Variants in MCMDC2 observed in about 807,000 individuals in gnomAD.
MCMDC2 encodes minichromosome maintenance domain-containing protein 2.
Under a neutral mutation model 75.8 loss-of-function variants are expected in MCMDC2, and 54 were observed. That is an observed-to-expected ratio of 0.71 (90% CI 0.57 to 0.89). The LOEUF is 0.89. MCMDC2 is among the 40% of genes least tolerant of loss of function. The pLI is 0.00. For missense variants in MCMDC2, 656 were observed against 780.4 expected, an observed-to-expected ratio of 0.84 and a Z score of 1.90; for synonymous variants, 249 against 274.6, an observed-to-expected ratio of 0.91 and a Z score of 0.92.
At chr8:66,924,774 C>T (rs984883948), downstream of MCMDC2, among the ~76,000 whole-genome samples, 16 of 152,140 alleles carry the variant, frequency 1.1e-4, no homozygotes, top group Admixed American at 6.5e-5. Context: ...AGGCATTTAG[C>T]CTAAGGGCCT....
In MCMDC2 at chr8:66,920,010, C is replaced by G. The variant is rs116646543; in HGVS notation, c.*841C>G. ...AGTTTCCATAACTTTAATAAAAGAT[C>G]AGTTCTATTCACAGAAAAGCAAAAT... On this transcript the variant is annotated 3_prime_UTR_variant, in exon 15 of 15. Coordinates refer to ENST00000422365, the MANE Select transcript of MCMDC2 (RefSeq NM_173518.5). The G allele has an allele frequency of 1.7e-3, 256 of 152,254 alleles. 1 individual carries two copies. The highest frequency in any genetic ancestry group is 6.0e-3 in the African/African-American group (249 of 41,552). The allele number at this position is 152,254 out of a possible 1,614,324, so 9.4% of individuals were successfully genotyped here. A position where few individuals can be genotyped will look rare whatever the true frequency, so the allele number is the denominator to read the frequency against.
intron 12 of MCMDC2, among the ~76,000 whole-genome samples, chr8:66,897,262 G>T (rs1812399397): frequency 6.6e-6 from 1 of 151,828 alleles, no homozygotes; most frequent in South Asian, 2.1e-4. Flanking sequence ...ACAAAAATTA[G>T]CTGGGCGTGG....
At chr8:66,892,622 G>A (rs1409916592) in intron 10 of MCMDC2, among the ~76,000 whole-genome samples, 1 of 152,132 alleles carries the variant, frequency 6.6e-6, no homozygotes, top group Non-Finnish European at 1.5e-5. Context: ...CATGCTGATT[G>A]GTCCATGGGT....
intron 14 of MCMDC2, among the ~76,000 whole-genome samples, chr8:66,917,469 A>C (rs1289316819): frequency 6.6e-6 from 1 of 152,232 alleles, no homozygotes; most frequent in East Asian, 1.9e-4. Flanking sequence ...TGTTTAGTAC[A>C]TTCACATTCA....
intron 14 of MCMDC2, among the ~76,000 whole-genome samples, chr8:66,908,260 A>G (rs1194071163): frequency 6.6e-6 from 1 of 152,164 alleles, no homozygotes; most frequent in Non-Finnish European, 1.5e-5. Flanking sequence ...GGTGTAAGGA[A>G]GGGGTCCAGT....
chr8:66,879,322 G>A (rs1344494815), intron 7 of MCMDC2, among the ~76,000 whole-genome samples: 2 of 152,046 alleles, frequency 1.3e-5, no homozygotes, highest in African/African-American at 2.4e-5. Context: ...GCCAGGCGCG[G>A]TGGCTCACAC....
At chr8:66,923,177 A>T (rs1216331422), downstream of MCMDC2, among the ~76,000 whole-genome samples, 4 of 152,186 alleles carry the variant, frequency 2.6e-5, no homozygotes, top group Non-Finnish European at 5.9e-5. Context: ...GATGTATAAA[A>T]ACTAACGTGA....
intron 4 of MCMDC2, among the ~76,000 whole-genome samples, chr8:66,874,977 A>G (rs890509044): frequency 5.9e-5 from 9 of 152,070 alleles, no homozygotes; most frequent in Non-Finnish European, 8.8e-5. Context: ...GCTGATCTCG[A>G]ACTCCTGACC....
intron 10 of MCMDC2, among the ~76,000 whole-genome samples, chr8:66,892,484 A>T (rs1409086435): frequency 6.6e-6 from 1 of 152,232 alleles, no homozygotes; most frequent in African/African-American, 2.4e-5. Context: ...GTTTTATTGC[A>T]TGGCAGAACA....
intron 14 of MCMDC2, among the ~76,000 whole-genome samples, chr8:66,911,238 G>A (rs977546448): frequency 1.3e-5 from 2 of 152,138 alleles, no homozygotes; most frequent in African/African-American, 4.8e-5. Flanking sequence ...TGAATCATGG[G>A]GGTGATGTTC....
chr8:66,901,791 C>T (rs186562428), intron 13 of MCMDC2: 8 of 199,100 alleles, frequency 4.0e-5, no homozygotes, highest in East Asian at 1.9e-4. Context: ...ATTAGCTAGG[C>T]GTGGTGGTGC....
At chr8:66,923,514 A>C (rs1449652365), downstream of MCMDC2, among the ~76,000 whole-genome samples, 1 of 152,246 alleles carries the variant, frequency 6.6e-6, no homozygotes, top group Non-Finnish European at 1.5e-5. Flanking sequence ...TAATTCAAAA[A>C]AAATTAACTG....
intron 13 of MCMDC2, among the ~76,000 whole-genome samples, chr8:66,903,715 A>T (rs1812795930): frequency 6.6e-6 from 1 of 152,212 alleles, no homozygotes; most frequent in Non-Finnish European, 1.5e-5. Context: ...TTCTACAGAC[A>T]GGTACCTAAT....
Position 66,905,263 on chromosome 8 carries a change from A to G in MCMDC2, c.1807A>G (p.Arg603Gly). The G allele has an allele frequency of 6.7e-7, 1 of 1,498,844 alleles. No individual in the cohort carries two copies. The highest frequency in any genetic ancestry group is 8.9e-7 in the Non-Finnish European group (1 of 1,120,928). 92.8% of individuals were successfully genotyped at this position (1,498,844 alleles called of 1,614,324 possible). ...TGAAGCCCATGCACGACTGAACTTA[A>G]GGAACAAAGTGCTTAAAGAAGATGT... Reference protein sequence around the residue: ...LSEAHARLNLRNKVLKEDVLI... With the variant: ...LSEAHARLNLGNKVLKEDVLI... The change falls in exon 14 of 15, where the codon AGG (arginine) becomes GGG (glycine). Residue 603 changes from arginine (R) to glycine (G), a missense_variant. Coordinates refer to ENST00000422365, the MANE Select transcript of MCMDC2 (RefSeq NM_173518.5).
chr8:66,881,487 G>A (rs1811556168), intron 8 of MCMDC2, among the ~76,000 whole-genome samples: 1 of 152,200 alleles, frequency 6.6e-6, no homozygotes, highest in South Asian at 2.1e-4. Context: ...AGGAGTTCAA[G>A]ACCAGCCTGG....
At chr8:66,882,304 G>A (rs966079458) in intron 8 of MCMDC2, among the ~76,000 whole-genome samples, 5 of 152,162 alleles carry the variant, frequency 3.3e-5, no homozygotes, top group African/African-American at 1.2e-4. Context: ...CCGAGCTTTC[G>A]CAGATTATCA....
At position 66,909,393 on chromosome 8, in the gene MCMDC2, A is replaced by G. The variant is rs944396558; in HGVS notation, c.1879+4058A>G. ...GTGGACTTGACTTTGTAACTTGACA[A>G]CAGGCAGAGGGTGGAACAGTTTGGA... On this transcript the variant is annotated intron_variant, in intron 14 of 14. Coordinates refer to ENST00000422365, the MANE Select transcript of MCMDC2 (RefSeq NM_173518.5). Among the ~76,000 whole-genome samples the G allele has an allele frequency of 2.0e-5, 3 of 152,358 alleles. No homozygotes were observed. In the East Asian group the frequency reaches 5.8e-4, roughly 29 times the overall value.
rs553622536 is a variant in MCMDC2 at position 66,916,036 on chromosome 8, G to A, written c.1880-2967G>A. 2.0e-5 allele frequency among the ~76,000 whole-genome samples: 3 copies of A among 152,224 alleles called. No homozygotes were observed. In the East Asian group the frequency reaches 5.8e-4, roughly 29 times the overall value. On this transcript the variant is annotated intron_variant, in intron 14 of 14. Transcript: ENST00000422365. ...CCATGATCAGAGATATTTCAGTGGC[G>A]TGGGAATGGAGATGAGGCTATGGAG...
chr8:66,875,297 G>T (rs1004529075), intron 4 of MCMDC2, among the ~76,000 whole-genome samples: 55 of 150,490 alleles, frequency 3.7e-4, no homozygotes, highest in Non-Finnish European at 6.5e-4. Context: ...TTCTTTTTTT[G>T]AGAAGGAGCT....
Sources: allele counts gnomAD v4.1 joint callset (sites outside exome capture counted in the v4.1 genomes callset), GRCh38; gene constraint gnomAD v4.1.1; transcripts MANE v1.5; gene names NCBI Gene and HGNC (gene_info 2026-07-23, HGNC 2026-07-21).